The following CSMD1 variants were observed in gnomAD, a reference collection of about 807,000 sequenced individuals.
The protein encoded by CSMD1 is CUB and Sushi multiple domains 1.
Under a neutral mutation model 417.5 loss-of-function variants are expected in CSMD1, and 213 were observed. That is an observed-to-expected ratio of 0.51 (90% CI 0.46 to 0.57). The LOEUF (loss-of-function observed/expected upper bound fraction) is 0.57. CSMD1 is among the 20% of genes least tolerant of loss of function. The pLI, the probability that CSMD1 is intolerant of heterozygous loss-of-function variation, is 0.00. For synonymous variants in CSMD1, 2,862 were observed against 1,736.8 expected (o/e 1.65, Z -16.11); for missense variants, 6,923 against 4,529.7 (o/e 1.53, Z -15.17).
chr8:4,532,823 C>T (rs552689678), intron 2 of CSMD1, among the ~76,000 whole-genome samples: 2 of 151,084 alleles, frequency 1.3e-5, no homozygotes, highest in South Asian at 4.2e-4. Flanking sequence ...ATCCTGCACC[C>T]GCATTCAGTC....
rs143895629 is a variant in CSMD1, at chr8:4,555,554, A to G, written c.302+81788T>C. On this transcript the variant is annotated intron_variant, in intron 2 of 69. Coordinates refer to ENST00000635120, the MANE Select transcript of CSMD1 (RefSeq NM_033225.6). ...CATCCCAGTTCCTTTTTCCTGTTACAATTGCCTCCAGGAAGGATCATTGAT... is the reference window on the plus strand; with the variant it reads ...CATCCCAGTTCCTTTTTCCTGTTACGATTGCCTCCAGGAAGGATCATTGAT... Among the ~76,000 whole-genome samples the G allele has an allele frequency of 4.1e-3, 625 of 152,180 alleles. 4 individuals are homozygous for G. Among genetic ancestry groups the G allele is most frequent in the African/African-American group, 0.015 (611 of 41,526 alleles).
chr8:3,427,869 A>G (rs1237059862), intron 12 of CSMD1, among the ~76,000 whole-genome samples: 1 of 152,218 alleles, frequency 6.6e-6, no homozygotes, highest in East Asian at 1.9e-4. Context: ...GATTACTGTC[A>G]ATGTGTAATG....
intron 1 of CSMD1, among the ~76,000 whole-genome samples, chr8:4,749,013 G>A (rs998148964): frequency 1.3e-5 from 2 of 152,104 alleles, no homozygotes; most frequent in African/African-American, 4.8e-5. Context: ...CTTTGTCACG[G>A]TGACCAGTTC....
At chr8:3,783,807 G>T (rs1584992331) in intron 5 of CSMD1, among the ~76,000 whole-genome samples, 1 of 152,174 alleles carries the variant, frequency 6.6e-6, no homozygotes, top group South Asian at 2.1e-4. Context: ...CTTCCATATT[G>T]TAGGACAGCA....
chr8:4,704,290 A>C (rs570208865), intron 1 of CSMD1, among the ~76,000 whole-genome samples: 1 of 152,302 alleles, frequency 6.6e-6, no homozygotes, highest in African/African-American at 2.4e-5. Flanking sequence ...ACTTTTACTT[A>C]TTTTATATTT....
chr8:4,209,787 G>C (rs535050294), intron 3 of CSMD1, among the ~76,000 whole-genome samples: 1 of 152,190 alleles, frequency 6.6e-6, no homozygotes, highest in South Asian at 2.1e-4. Flanking sequence ...CAGAGTGGCA[G>C]CTCAGAGGCT....
At chr8:4,517,862 T>A (rs971686712) in intron 2 of CSMD1, among the ~76,000 whole-genome samples, 1 of 152,196 alleles carries the variant, frequency 6.6e-6, no homozygotes, top group Non-Finnish European at 1.5e-5. Flanking sequence ...GCCACACGTA[T>A]TTTGTAGTTG....
At chr8:4,514,161 TC>T (rs1563246942) in intron 2 of CSMD1, among the ~76,000 whole-genome samples, 1 of 152,148 alleles carries the variant, frequency 6.6e-6, no homozygotes, top group Non-Finnish European at 1.5e-5. Flanking sequence ...AGAGCTCTCT[TC>T]CTGGCTTGCA....
chr8:3,155,149 C>T (rs1819438845), intron 39 of CSMD1, among the ~76,000 whole-genome samples: 1 of 151,854 alleles, frequency 6.6e-6, no homozygotes, highest in Admixed American at 6.6e-5. Context: ...TTATGTAATA[C>T]AAAGTGACAG....
chr8:2,948,912 T>C (rs865911503), intron 68 of CSMD1, among the ~76,000 whole-genome samples: 6 of 152,036 alleles, frequency 3.9e-5, no homozygotes, highest in Middle Eastern at 3.4e-3. Context: ...AATATATATA[T>C]GTATATTTCT....
At chr8:4,104,161 T>G (rs1283820353) in intron 3 of CSMD1, among the ~76,000 whole-genome samples, 1 of 152,228 alleles carries the variant, frequency 6.6e-6, no homozygotes, top group Non-Finnish European at 1.5e-5. Flanking sequence ...GTTACTGTCC[T>G]TGATTTTCAC....
chr8:3,349,871 A>AT (rs1202104604), intron 21 of CSMD1, among the ~76,000 whole-genome samples: 1 of 59,072 alleles, frequency 1.7e-5, no homozygotes, highest in African/African-American at 4.0e-5. Context: ...ATATAAATAT[A>AT]TTTATATCTA....
At chr8:3,755,986 G>C (rs1364547094) in intron 5 of CSMD1, among the ~76,000 whole-genome samples, 5 of 151,854 alleles carry the variant, frequency 3.3e-5, no homozygotes, top group Admixed American at 1.3e-4. Context: ...CTAATACGGA[G>C]AATGTCTAAA....
chr8:3,023,614 A>C (rs1312390685), intron 51 of CSMD1, among the ~76,000 whole-genome samples: 1 of 152,124 alleles, frequency 6.6e-6, no homozygotes, highest in Non-Finnish European at 1.5e-5. Context: ...GGGACATATT[A>C]AAGTAGCCTG....
At chr8:3,444,956 A>G (rs749511087) in intron 12 of CSMD1, among the ~76,000 whole-genome samples, 1 of 152,190 alleles carries the variant, frequency 6.6e-6, no homozygotes, top group Non-Finnish European at 1.5e-5. Context: ...ACCACTAGCT[A>G]TGAAGTCCTC....
intron 1 of CSMD1, among the ~76,000 whole-genome samples, chr8:4,683,114 T>C (rs569575553): frequency 6.6e-6 from 1 of 151,460 alleles, no homozygotes; most frequent in Non-Finnish European, 1.5e-5. Flanking sequence ...GTACTATTAT[T>C]TACATGTAAC....
At chr8:4,992,305 C>A (rs928284525) in intron 1 of CSMD1, among the ~76,000 whole-genome samples, 1 of 152,184 alleles carries the variant, frequency 6.6e-6, no homozygotes, top group East Asian at 1.9e-4. Context: ...CACACGTGTG[C>A]GGATTATTAA....
chr8:4,445,827 T>G (rs1306692242), intron 2 of CSMD1, among the ~76,000 whole-genome samples: 2 of 152,216 alleles, frequency 1.3e-5, no homozygotes, highest in East Asian at 3.8e-4. Context: ...TTAAATTGCC[T>G]ACTTAGTAAT....
At chr8:4,458,679 C>T (rs1324297021) in intron 2 of CSMD1, among the ~76,000 whole-genome samples, 3 of 152,118 alleles carry the variant, frequency 2.0e-5, no homozygotes, top group Non-Finnish European at 2.9e-5. Context: ...CTGAAACTAA[C>T]CAAAACTGCA....
Sources: gnomAD v4.1 joint callset for allele counts (sites outside exome capture counted in the v4.1 genomes callset) on GRCh38, gnomAD v4.1.1 for gene constraint, MANE v1.5 for transcripts, NCBI Gene and HGNC (gene_info 2026-07-23, HGNC 2026-07-21) for gene names.